SLC35F1: variants seen among roughly 807,000 people sequenced by gnomAD.
The protein encoded by SLC35F1 is solute carrier family 35 member F1.
A neutral mutation model predicts 48.7 loss-of-function variants in SLC35F1; 14 were observed. That is an observed-to-expected ratio of 0.29 (90% CI 0.19 to 0.45). SLC35F1 has a LOEUF of 0.45. Among genes scored for constraint, SLC35F1 ranks in the 20% least tolerant of loss-of-function variants. SLC35F1 has a pLI of 1.00. For synonymous variants in SLC35F1, 190 were observed against 202.2 expected (o/e 0.94, Z 0.51); for missense variants, 404 against 500.0 (o/e 0.81, Z 1.83).
Position 118,154,508 on chromosome 6 carries a change from G to A in SLC35F1, c.237G>A (p.Leu79=). The A allele has an allele frequency of 1.2e-6, 2 of 1,613,874 alleles. No individual in the cohort carries two copies. The highest frequency in any genetic ancestry group is 1.7e-6 in the Non-Finnish European group (2 of 1,179,906). Residue 79 remains leucine, a synonymous_variant, in exon 2 of 8, where the codon TTG becomes TTA. Transcript: ENST00000360388. ...VLSLLICGIG[L]TSKYLSEDFH... ...CCCTCCTTATTTGTGGAATTGGCTTGACTAGCAAGTATCTGTCAGAAGATT... is the reference window on the plus strand; with the variant it reads ...CCCTCCTTATTTGTGGAATTGGCTTAACTAGCAAGTATCTGTCAGAAGATT...
chr6:118,207,152 A>T (rs1439553933), intron 2 of SLC35F1, among the ~76,000 whole-genome samples: 3 of 152,226 alleles, frequency 2.0e-5, no homozygotes, highest in Admixed American at 2.0e-4. Context: ...CTAAAGAGGA[A>T]TCTATGGGCA....
intron 1 of SLC35F1, among the ~76,000 whole-genome samples, chr6:118,004,779 C>T (rs1777152079): frequency 6.6e-6 from 1 of 151,830 alleles, no homozygotes; most frequent in South Asian, 2.1e-4. Context: ...CCTGGGCTGG[C>T]CTCAAGTGAT....
At chr6:117,976,223 T>G (rs920166808) in intron 1 of SLC35F1, among the ~76,000 whole-genome samples, 1 of 152,222 alleles carries the variant, frequency 6.6e-6, no homozygotes, top group Non-Finnish European at 1.5e-5. Flanking sequence ...TTTCATCTCA[T>G]GCTCACAAGA....
intron 2 of SLC35F1, among the ~76,000 whole-genome samples, chr6:118,206,111 T>C (rs1276438181): frequency 2.0e-5 from 3 of 152,210 alleles, no homozygotes; most frequent in Admixed American, 6.5e-5. Context: ...ATATTTTAAA[T>C]GTATTTAATG....
At chr6:118,039,200 A>G (rs551666945) in intron 1 of SLC35F1, among the ~76,000 whole-genome samples, 2 of 152,090 alleles carry the variant, frequency 1.3e-5, no homozygotes, top group East Asian at 1.9e-4. Flanking sequence ...TCTGACCTAC[A>G]TGGTTTCTGA....
At chr6:117,961,867 G>A (rs900055538) in intron 1 of SLC35F1, among the ~76,000 whole-genome samples, 2 of 152,134 alleles carry the variant, frequency 1.3e-5, no homozygotes, top group Non-Finnish European at 2.9e-5. Context: ...TGTCTAGCTT[G>A]TGATACCTAG....
chr6:118,260,751 T>C (rs1562342751), intron 3 of SLC35F1, among the ~76,000 whole-genome samples: 1 of 152,172 alleles, frequency 6.6e-6, no homozygotes, highest in Non-Finnish European at 1.5e-5. Flanking sequence ...AGAATAAACT[T>C]TTCCTGGCTT....
intron 7 of SLC35F1, among the ~76,000 whole-genome samples, chr6:118,311,674 C>T (rs1201332656): frequency 6.6e-6 from 1 of 152,068 alleles, no homozygotes; most frequent in Non-Finnish European, 1.5e-5. Context: ...GCCTGTAGTT[C>T]CAGCTACTTG....
chr6:118,172,040 T>G (rs1774412862), intron 2 of SLC35F1, among the ~76,000 whole-genome samples: 2 of 152,122 alleles, frequency 1.3e-5, no homozygotes, highest in African/African-American at 2.4e-5. Context: ...AGCCTGGCTT[T>G]CTTTATTGCT....
intron 2 of SLC35F1, among the ~76,000 whole-genome samples, chr6:118,187,277 T>C (rs940944072): frequency 6.6e-6 from 1 of 152,214 alleles, no homozygotes; most frequent in Non-Finnish European, 1.5e-5. Flanking sequence ...TGAGAGCTTG[T>C]TTTTATTTCT....
intron 1 of SLC35F1, among the ~76,000 whole-genome samples, chr6:117,957,122 G>A (rs551029105): frequency 9.2e-5 from 14 of 152,210 alleles, no homozygotes; most frequent in South Asian, 2.1e-4. Context: ...TGCATCCAGC[G>A]TGTCATCATT....
intron 1 of SLC35F1, among the ~76,000 whole-genome samples, chr6:117,910,174 A>G (rs570341893): frequency 3.9e-5 from 6 of 152,328 alleles, no homozygotes; most frequent in African/African-American, 1.4e-4. Context: ...CTTTTGTGCC[A>G]TAATTATGTC....
intron 2 of SLC35F1, among the ~76,000 whole-genome samples, chr6:118,205,086 T>C (rs1192129008): frequency 6.6e-6 from 1 of 152,206 alleles, no homozygotes. Context: ...AAGATGTTAC[T>C]CTTCTCTCCT....
At position 117,923,675 on chromosome 6, in the gene SLC35F1, GTACATATA is replaced by G. The variant is rs1275842721; in HGVS notation, c.173+15784_173+15791del. On this transcript the variant is annotated intron_variant, in intron 1 of 7. Coordinates refer to ENST00000360388, the MANE Select transcript of SLC35F1 (RefSeq NM_001029858.4). ...TGTACATATGTATATATACATATAT[GTACATATA>G]TACATATGTACATATACATATATGT... Among the ~76,000 whole-genome samples the G allele has an allele frequency of 6.6e-4, 24 of 36,330 alleles. 6 individuals are homozygous for G. The highest frequency in any genetic ancestry group is 7.7e-4 in the Non-Finnish European group (15 of 19,566). 23.8% of individuals were successfully genotyped at this position (36,330 alleles called of 152,430 possible).
chr6:118,141,605 A>G (rs752680541), intron 1 of SLC35F1, among the ~76,000 whole-genome samples: 39 of 152,262 alleles, frequency 2.6e-4, no homozygotes, highest in Admixed American at 1.7e-3. Flanking sequence ...GTATCCTCAC[A>G]TGGCAGAAAG....
chr6:117,955,670 A>G (rs1776418936), intron 1 of SLC35F1, among the ~76,000 whole-genome samples: 1 of 152,218 alleles, frequency 6.6e-6, no homozygotes. Context: ...TAGAATAATC[A>G]GGAACTGGAA....
chr6:118,307,801 C>T (rs940382178), intron 7 of SLC35F1, among the ~76,000 whole-genome samples: 3 of 152,194 alleles, frequency 2.0e-5, no homozygotes, highest in African/African-American at 7.2e-5. Context: ...CTTTTCGTCC[C>T]AGGGTCTTAC....
chr6:118,085,457 T>C (rs2114330156), intron 1 of SLC35F1, among the ~76,000 whole-genome samples: 1 of 150,572 alleles, frequency 6.6e-6, no homozygotes, highest in South Asian at 2.1e-4. Context: ...TCATCCAGCC[T>C]ATAGTTTTCT....
chr6:117,957,503 A>G (rs1776442034), intron 1 of SLC35F1, among the ~76,000 whole-genome samples: 1 of 152,240 alleles, frequency 6.6e-6, no homozygotes, highest in Admixed American at 6.5e-5. Flanking sequence ...CAGTTTTGTC[A>G]TACAGTCCAT....
Sources: gnomAD v4.1 joint callset for allele counts (sites outside exome capture counted in the v4.1 genomes callset) on GRCh38, gnomAD v4.1.1 for gene constraint, MANE v1.5 for transcripts, NCBI Gene and HGNC (gene_info 2026-07-23, HGNC 2026-07-21) for gene names.